LRRK2: variants seen among roughly 807,000 people sequenced by gnomAD.
The protein encoded by LRRK2 is leucine-rich repeat serine/threonine-protein kinase 2.
LRRK2 carries 203 observed loss-of-function variants against 302.6 expected under a neutral mutation model. The ratio of observed to expected loss-of-function variants is 0.67; its 90% CI spans 0.60 to 0.75. LRRK2 has a LOEUF of 0.75. Among genes scored for constraint, LRRK2 ranks in the 30% least tolerant of loss-of-function variants. The probability of loss-of-function intolerance (pLI) is 0.00; values close to 1 mark genes in which losing one functional copy is unlikely to be tolerated. For synonymous variants in LRRK2, 1,066 were observed against 1,031.9 expected (o/e 1.03, Z -0.63); for missense variants, 2,830 against 2,951.0 (o/e 0.96, Z 0.95).
intron 39 of LRRK2, among the ~76,000 whole-genome samples, chr12:40,333,904 G>A (rs571608327): frequency 6.6e-6 from 1 of 152,190 alleles, no homozygotes; most frequent in South Asian, 2.1e-4. Flanking sequence ...ATGCCAATGT[G>A]GCTGAAGGGT....
At chr12:40,311,695 C>T (rs998424782) in intron 31 of LRRK2, among the ~76,000 whole-genome samples, 5 of 152,132 alleles carry the variant, frequency 3.3e-5, no homozygotes, top group African/African-American at 1.2e-4. Context: ...ATGTGTGCTT[C>T]ACTCCAAAAC....
chr12:40,288,422 T>G (rs1944011185), intron 20 of LRRK2, among the ~76,000 whole-genome samples: 1 of 151,818 alleles, frequency 6.6e-6, no homozygotes, highest in Non-Finnish European at 1.5e-5. Flanking sequence ...CCCCTTCCCC[T>G]GGCCCCCCTG....
At chr12:40,259,274 C>A (rs73276892) in intron 12 of LRRK2, among the ~76,000 whole-genome samples, 1 of 152,062 alleles carries the variant, frequency 6.6e-6, no homozygotes, top group Non-Finnish European at 1.5e-5. Flanking sequence ...AAATAATTCC[C>A]GGATTACTAT....
intron 41 of LRRK2, among the ~76,000 whole-genome samples, chr12:40,345,548 A>T (rs1010223719): frequency 7.2e-6 from 1 of 139,366 alleles, no homozygotes; most frequent in African/African-American, 2.7e-5. Flanking sequence ...GCTTGAACCC[A>T]GGAGGCAGAG....
chr12:40,232,617 A>G, intron 3 of LRRK2: 1 of 356,336 alleles, frequency 2.8e-6, no homozygotes. Context: ...TTTTAATAAT[A>G]TAATCATATA....
intron 2 of LRRK2, among the ~76,000 whole-genome samples, chr12:40,226,587 A>G (rs536479713): frequency 6.6e-6 from 1 of 152,222 alleles, no homozygotes; most frequent in South Asian, 2.1e-4. Context: ...GTCTGGGTGA[A>G]CCATCTAGCT....
rs1181253686 is a variant in LRRK2 at position 40,368,859 on chromosome 12, A to G, written c.*1094A>G. The G allele has an allele frequency of 6.6e-6, 1 of 151,824 alleles. No homozygotes were observed. Among genetic ancestry groups the G allele is most frequent in the African/African-American group, 2.4e-5 (1 of 41,390 alleles). The allele number at this position is 151,824 out of a possible 1,614,324, so 9.4% of individuals were successfully genotyped here. A position where few individuals can be genotyped will look rare whatever the true frequency, so the allele number is the denominator to read the frequency against. The stretch of plus-strand genomic sequence containing the variant: ...ACTTAAATTGTTTACATAGCTTACC[A>G]CAATAGGAGTATCAGGGCCAAATAC... On this transcript the variant is annotated 3_prime_UTR_variant, in exon 51 of 51. Transcript: ENST00000298910.
intron 23 of LRRK2, 89 bp from the exon 24 acceptor site, chr12:40,298,154 G>C: frequency 7.4e-7 from 1 of 1,353,788 alleles, no homozygotes; most frequent in Non-Finnish European, 1.0e-6. Flanking sequence ...GATGGTTCTA[G>C]TTACCAGAGG....
intron 3 of LRRK2, among the ~76,000 whole-genome samples, chr12:40,235,207 C>A (rs1295327591): frequency 6.6e-6 from 1 of 152,120 alleles, no homozygotes; most frequent in Non-Finnish European, 1.5e-5. Flanking sequence ...CACGGTGGCT[C>A]ACACCTATAA....
intron 8 of LRRK2, 103 bp downstream of exon 8, chr12:40,250,048 C>CT (rs527490198): frequency 1.4e-6 from 2 of 1,398,066 alleles, no homozygotes; most frequent in African/African-American, 2.9e-5. Context: ...CATTCAATGC[C>CT]TTTTCTGTCC....
intron 25 of LRRK2, among the ~76,000 whole-genome samples, chr12:40,300,091 A>G (rs967697326): frequency 1.3e-5 from 2 of 152,124 alleles, no homozygotes; most frequent in African/African-American, 4.8e-5. Flanking sequence ...TTCATACTGA[A>G]GTTTCTTCAG....
intron 33 of LRRK2, 96 bp from the exon 34 acceptor site, chr12:40,319,892 G>C (rs552583285): frequency 8.3e-7 from 1 of 1,204,850 alleles, no homozygotes; most frequent in Non-Finnish European, 1.2e-6. Flanking sequence ...AAATCTTTCT[G>C]ACTACTTTCA....
intron 24 of LRRK2, among the ~76,000 whole-genome samples, chr12:40,298,820 A>ATATAT (rs1565727039): frequency 1.1e-5 from 1 of 93,878 alleles, no homozygotes; most frequent in Non-Finnish European, 2.2e-5. Context: ...TATAATATAT[A>ATATAT]ATACATATAT....
intron 47 of LRRK2, among the ~76,000 whole-genome samples, chr12:40,362,408 A>G (rs1448186778): frequency 6.6e-6 from 1 of 152,036 alleles, no homozygotes. Context: ...TTCATACTGT[A>G]GTGCCTTCTT....
intron 14 of LRRK2, among the ~76,000 whole-genome samples, chr12:40,265,389 A>G (rs894280670): frequency 6.6e-6 from 1 of 152,318 alleles, no homozygotes; most frequent in African/African-American, 2.4e-5. Flanking sequence ...ATTGCAAAAG[A>G]AAAAGAATAT....
intron 18 of LRRK2, among the ~76,000 whole-genome samples, chr12:40,279,749 T>G (rs1238430952): frequency 6.6e-6 from 1 of 152,240 alleles, no homozygotes; most frequent in African/African-American, 2.4e-5. Flanking sequence ...CTTTTGGACT[T>G]CATATGCTTA....
chr12:40,349,774 C>A (rs1193061081), intron 43 of LRRK2, among the ~76,000 whole-genome samples: 1 of 152,232 alleles, frequency 6.6e-6, no homozygotes, highest in Non-Finnish European at 1.5e-5. Flanking sequence ...GCCTAGGCCT[C>A]CCAAAGTGCA....
At chr12:40,272,832 C>T (rs559680755) in intron 14 of LRRK2, among the ~76,000 whole-genome samples, 49 of 151,962 alleles carry the variant, frequency 3.2e-4, no homozygotes, top group East Asian at 7.7e-4. Context: ...TCTGATTATA[C>T]GAAATTAAAG....
chr12:40,265,851 A>G (rs1235879912), intron 14 of LRRK2, among the ~76,000 whole-genome samples: 3 of 152,180 alleles, frequency 2.0e-5, no homozygotes, highest in African/African-American at 4.8e-5. Flanking sequence ...AATGCCGCAT[A>G]TCTACAACCA....
Sources: allele counts gnomAD v4.1 joint callset (sites outside exome capture counted in the v4.1 genomes callset), GRCh38; gene constraint gnomAD v4.1.1; transcripts MANE v1.5; gene names NCBI Gene and HGNC (gene_info 2026-07-23, HGNC 2026-07-21).